The following RIN2 variants were observed in gnomAD, a reference collection of about 807,000 sequenced individuals.
RIN2 encodes RAB5 interacting protein 2.
Under a neutral mutation model 78.0 loss-of-function variants are expected in RIN2, and 36 were observed. That is an observed-to-expected ratio of 0.46 (90% confidence interval 0.35 to 0.61). RIN2 has a LOEUF of 0.61. RIN2 is among the 20% of genes least tolerant of loss of function. RIN2 has a pLI of 0.00. For synonymous variants in RIN2, 466 were observed against 466.8 expected, an observed-to-expected ratio of 1.00 and a Z score of 0.02; for missense variants, 1,087 against 1,159.7, an observed-to-expected ratio of 0.94 and a Z score of 0.91.
At chr20:19,866,107 A>G (rs576009231) in intron 2 of RIN2, among the ~76,000 whole-genome samples, 10 of 152,142 alleles carry the variant, frequency 6.6e-5, no homozygotes, top group African/African-American at 2.4e-4. Context: ...CTGCAACTAG[A>G]TGGTCCCATC....
At chr20:19,888,883 C>T (rs954713580) in intron 2 of RIN2, among the ~76,000 whole-genome samples, 5 of 152,196 alleles carry the variant, frequency 3.3e-5, no homozygotes, top group African/African-American at 1.2e-4. Flanking sequence ...AAATTCCAAG[C>T]CCAAAAAGCT....
chr20:19,787,150 C>T (rs1369581125), intron 1 of RIN2, among the ~76,000 whole-genome samples: 1 of 152,050 alleles, frequency 6.6e-6, no homozygotes, highest in African/African-American at 2.4e-5. Context: ...TGTCTGGGCA[C>T]AGTGGCTCAT....
chr20:19,979,609 T>G (rs902178182), intron 9 of RIN2, among the ~76,000 whole-genome samples: 1 of 151,688 alleles, frequency 6.6e-6, no homozygotes, highest in Non-Finnish European at 1.5e-5. Context: ...CAGATCTGGG[T>G]TTTTTTTGTT....
intron 1 of RIN2, among the ~76,000 whole-genome samples, chr20:19,796,028 TA>T (rs796566933): frequency 4.4e-5 from 6 of 137,892 alleles, no homozygotes; most frequent in African/African-American, 1.4e-4. Flanking sequence ...TGAAGCTGTC[TA>T]AAAAAAAAGA....
chr20:19,927,217 A>G (rs1568619365), intron 3 of RIN2, among the ~76,000 whole-genome samples: 1 of 152,236 alleles, frequency 6.6e-6, no homozygotes, highest in Non-Finnish European at 1.5e-5. Flanking sequence ...TCTGGTTAAT[A>G]ACAATTGCCA....
intron 6 of RIN2, among the ~76,000 whole-genome samples, chr20:19,963,233 T>C (rs2041823586): frequency 6.6e-6 from 1 of 152,136 alleles, no homozygotes; most frequent in Admixed American, 6.5e-5. Context: ...TTGTTGTTTC[T>C]GTGTGTCTGT....
intron 1 of RIN2, among the ~76,000 whole-genome samples, chr20:19,767,289 CT>C (rs1346916950): frequency 6.6e-6 from 1 of 152,184 alleles, no homozygotes; most frequent in African/African-American, 2.4e-5. Context: ...AGCAGCATTC[CT>C]TTCTTCCAGG....
rs1293534573 is a variant in RIN2 at position 19,986,810 on chromosome 20, T to C, written c.1763-3196T>C. On this transcript the variant is annotated intron_variant, in intron 9 of 12. Coordinates refer to ENST00000255006, the MANE Select transcript of RIN2 (RefSeq NM_018993.4). Reference sequence around the variant, plus strand: ...TGTTTTTCTGATTCATATACATTTATTGAGGTTTAACTTACATCCATAAAG... The same window carrying C: ...TGTTTTTCTGATTCATATACATTTACTGAGGTTTAACTTACATCCATAAAG... Among the ~76,000 whole-genome samples the C allele has an allele frequency of 3.9e-5, 6 of 152,232 alleles. No individual in the cohort carries two copies. The East Asian group carries it at 9.6e-4, about 24-fold the overall frequency.
At chr20:19,948,281 G>A (rs2041177234) in intron 4 of RIN2, among the ~76,000 whole-genome samples, 1 of 152,086 alleles carries the variant, frequency 6.6e-6, no homozygotes, top group Non-Finnish European at 1.5e-5. Context: ...TCTCCATAGG[G>A]GACTTGCCAT....
chr20:19,917,196 G>A (rs1180866432), intron 3 of RIN2, among the ~76,000 whole-genome samples: 1 of 151,920 alleles, frequency 6.6e-6, no homozygotes, highest in East Asian at 1.9e-4. Flanking sequence ...GCCCAGGAGT[G>A]AGGAACATAA....
At chr20:19,771,733 T>G (rs764591278) in intron 1 of RIN2, among the ~76,000 whole-genome samples, 1 of 152,194 alleles carries the variant, frequency 6.6e-6, no homozygotes, top group African/African-American at 2.4e-5. Flanking sequence ...TCCTCTCTGA[T>G]CCTATCCTCT....
intron 3 of RIN2, among the ~76,000 whole-genome samples, chr20:19,928,656 C>T (rs1241801159): frequency 6.6e-6 from 1 of 152,174 alleles, no homozygotes; most frequent in Admixed American, 6.5e-5. Context: ...ATTCTCTTGC[C>T]CTTGGCCAGG....
At position 19,764,922 on chromosome 20, in the gene RIN2, T is replaced by TTTTTTTTTTG. The variant is rs1555813286; in HGVS notation, c.-163+6604_-163+6605insGTTTTTTTTT. On this transcript the variant is annotated intron_variant, in intron 1 of 12. Transcript: ENST00000255006. ...AAGTCCCACTTCACTTTCTGCGTTT[T>TTTTTTTTTTG]TTTTTTTTTTTTTTTTTTTTTGACA... is the stretch of plus-strand genomic sequence containing the variant. 1.0e-3 allele frequency among the ~76,000 whole-genome samples: 115 copies of TTTTTTTTTTG among 111,388 alleles called. 2 individuals are homozygous for TTTTTTTTTTG. Among genetic ancestry groups the TTTTTTTTTTG allele is most frequent in the African/African-American group, 4.0e-3 (108 of 27,042 alleles). 73.1% of individuals were successfully genotyped at this position (111,388 alleles called of 152,430 possible).
intron 8 of RIN2, among the ~76,000 whole-genome samples, 200 bp downstream of exon 8, chr20:19,971,129 G>C (rs895747944): frequency 6.6e-6 from 1 of 152,140 alleles, no homozygotes; most frequent in African/African-American, 2.4e-5. Context: ...ATCTTCCTGG[G>C]GAGAGGCAGC....
chr20:19,980,304 C>G (rs2042406680), intron 9 of RIN2, among the ~76,000 whole-genome samples: 1 of 152,058 alleles, frequency 6.6e-6, no homozygotes, highest in African/African-American at 2.4e-5. Flanking sequence ...TTGGTTTTCC[C>G]CTGTGGGACA....
intron 3 of RIN2, among the ~76,000 whole-genome samples, chr20:19,902,619 G>A (rs1056961420): frequency 6.6e-6 from 1 of 152,126 alleles, no homozygotes; most frequent in Admixed American, 6.6e-5. Flanking sequence ...GAGGGAGCTG[G>A]GGGAGCTCAT....
Position 19,967,724 on chromosome 20 carries a change from C to T in RIN2, c.536+2700C>T, listed in dbSNP as rs435816. On this transcript the variant is annotated intron_variant, in intron 7 of 12. Coordinates refer to ENST00000255006, the MANE Select transcript of RIN2 (RefSeq NM_018993.4). ...TTGGAGTCTTGCTAAATGCAGAATC[C>T]GGTACAGTGGGTCTGGGGTGGTACC... Among the ~76,000 whole-genome samples, 1,506 of 152,234 alleles carry T rather than the reference C, an allele frequency of 9.9e-3. 27 individuals are homozygous for T. Among genetic ancestry groups the T allele is most frequent in the South Asian group, 0.048 (230 of 4,826 alleles).
chr20:19,897,733 T>C (rs545140354), intron 3 of RIN2, among the ~76,000 whole-genome samples: 2 of 151,016 alleles, frequency 1.3e-5, no homozygotes, highest in East Asian at 2.0e-4. Flanking sequence ...TTTTTTTGAG[T>C]TGGAATCTGA....
chr20:19,889,230 A>G (rs1161988597), intron 2 of RIN2: 1 of 1,008,148 alleles, frequency 9.9e-7, no homozygotes, highest in Non-Finnish European at 1.2e-6. Context: ...ATAAACTTCC[A>G]GTGCAGATGA....
Sources: gnomAD v4.1 joint callset for allele counts (sites outside exome capture counted in the v4.1 genomes callset) on GRCh38, gnomAD v4.1.1 for gene constraint, MANE v1.5 for transcripts, NCBI Gene and HGNC (gene_info 2026-07-23, HGNC 2026-07-21) for gene names.